The following FHL2 variants were observed in gnomAD, a reference collection of about 807,000 sequenced individuals.
The protein encoded by FHL2 is four and a half LIM domains protein 2.
A neutral mutation model predicts 32.7 loss-of-function variants in FHL2; 20 were observed. That is an observed-to-expected ratio of 0.61 (90% CI 0.43 to 0.89). The LOEUF (loss-of-function observed/expected upper bound fraction) is 0.89, where lower values mean the gene tolerates loss of function less well. Among genes scored for constraint, FHL2 ranks in the 40% least tolerant of loss-of-function variants. The probability of loss-of-function intolerance (pLI) is 0.00; values close to 1 mark genes in which losing one functional copy is unlikely to be tolerated. For synonymous variants in FHL2, 123 were observed against 128.1 expected (o/e 0.96, Z 0.27); for missense variants, 311 against 358.6 (o/e 0.87, Z 1.07).
In FHL2 at chr2:105,436,611, T is replaced by G. The variant is rs137885206; in HGVS notation, c.-25+1788A>C. ...ATTATTTACAGTTTCCCACATAATTTAATGTTTTTGGATTCACCTTAAAAT... is the reference window on the plus strand; with the variant it reads ...ATTATTTACAGTTTCCCACATAATTGAATGTTTTTGGATTCACCTTAAAAT... On this transcript the variant is annotated intron_variant, in intron 1 of 5. Transcript: ENST00000393352. Among the ~76,000 whole-genome samples, 429 of 152,220 alleles carry G rather than the reference T, an allele frequency of 2.8e-3. 2 individuals are homozygous for G. The highest frequency in any genetic ancestry group is 9.2e-3 in the African/African-American group (383 of 41,572).
chr2:105,415,981 T>A (rs1683922966), intron 1 of FHL2, among the ~76,000 whole-genome samples: 1 of 152,232 alleles, frequency 6.6e-6, no homozygotes, highest in Non-Finnish European at 1.5e-5. Context: ...TGGAACCATA[T>A]TCAATCAATT....
At position 105,410,399 on chromosome 2, in the gene FHL2, C is replaced by A. The variant is rs1003103398; in HGVS notation, c.-24-23859G>T. 2.0e-5 allele frequency among the ~76,000 whole-genome samples: 3 copies of A among 152,098 alleles called. No individual in the cohort carries two copies. In the East Asian group the frequency reaches 5.8e-4, roughly 29 times the overall value. On this transcript the variant is annotated intron_variant, in intron 1 of 5. Transcript: ENST00000393352. ...TGCTTCTAGAGGGTCCATGACCATT[C>A]TATTGGCAGTTGGAGAGGTGAGAGT...
intron 1 of FHL2, among the ~76,000 whole-genome samples, chr2:105,408,560 T>C (rs1319646751): frequency 6.6e-6 from 1 of 152,192 alleles, no homozygotes; most frequent in Non-Finnish European, 1.5e-5. Flanking sequence ...AATTCATTTA[T>C]TTTGGACAGG....
In FHL2 at chr2:105,361,056, T is replaced by C. The variant is rs546996537; in HGVS notation, c.*227A>G. 82 of 407,680 alleles carry C rather than the reference T, an allele frequency of 2.0e-4. No individual in the cohort carries two copies. The highest frequency in any genetic ancestry group is 1.5e-3 in the African/African-American group (75 of 49,254). The allele number at this position is 407,680 out of a possible 1,614,324, so 25.3% of individuals were successfully genotyped here. On this transcript the variant is annotated 3_prime_UTR_variant, in exon 7 of 7. Transcript: ENST00000530340. Reference sequence around the variant, plus strand: ...GGTGTGCCTTACTCGATTACAAAAATTTCAAACCATCTTCCCACCTAGGGC... The same window carrying C: ...GGTGTGCCTTACTCGATTACAAAAACTTCAAACCATCTTCCCACCTAGGGC...
intron 3 of FHL2, among the ~76,000 whole-genome samples, chr2:105,383,123 T>C (rs568118110): frequency 6.6e-6 from 1 of 152,238 alleles, no homozygotes; most frequent in Admixed American, 6.5e-5. Flanking sequence ...TGGCCTCAAG[T>C]GTTCCACCTG....
At chr2:105,395,285 T>C (rs534123421) in intron 2 of FHL2, among the ~76,000 whole-genome samples, 116 of 152,354 alleles carry the variant, frequency 7.6e-4, no homozygotes, top group Non-Finnish European at 1.3e-3. Context: ...ATCACACCAG[T>C]GTGGGGACCA....
chr2:105,402,116 T>TAC (rs1290357933), upstream of FHL2, among the ~76,000 whole-genome samples: 13 of 149,450 alleles, frequency 8.7e-5, no homozygotes, highest in Admixed American at 4.1e-4. Flanking sequence ...CACGTATATA[T>TAC]ACATATATAC....
At chr2:105,379,837 C>T (rs1681748149) in intron 3 of FHL2, among the ~76,000 whole-genome samples, 1 of 152,240 alleles carries the variant, frequency 6.6e-6, no homozygotes, top group Non-Finnish European at 1.5e-5. Flanking sequence ...ATCTGTTCTG[C>T]AAAGCTTCCT....
intron 1 of FHL2, among the ~76,000 whole-genome samples, chr2:105,398,618 G>A (rs1255296415): frequency 6.6e-6 from 1 of 152,194 alleles, no homozygotes; most frequent in African/African-American, 2.4e-5. Context: ...CTCTGGGGAT[G>A]AGTCGGTGGG....
intron 1 of FHL2, among the ~76,000 whole-genome samples, chr2:105,434,104 A>G (rs747508913): frequency 5.1e-4 from 78 of 152,332 alleles, no homozygotes; most frequent in Non-Finnish European, 8.5e-4. Flanking sequence ...TTGAGGCACC[A>G]CGTCCCTTTC....
chr2:105,394,600 GGAAA>G (rs755342586), intron 2 of FHL2, among the ~76,000 whole-genome samples: 14 of 148,846 alleles, frequency 9.4e-5, no homozygotes, highest in South Asian at 6.4e-4. Context: ...AAGAAAAGAA[GGAAA>G]GAAAGAAAGA....
At chr2:105,403,469 C>T (rs185002801), upstream of FHL2, among the ~76,000 whole-genome samples, 396 of 152,300 alleles carry the variant, frequency 2.6e-3, 2 homozygotes, top group Non-Finnish European at 1.1e-3. Context: ...CCCGTCTCTC[C>T]TGTAGGTGGG....
chr2:105,435,738 C>T lies in FHL2; in HGVS notation c.-25+2661G>A, dbSNP rs184779645. On this transcript the variant is annotated intron_variant, in intron 1 of 5. Transcript: ENST00000393352. ...TCGGGAGGCTGAGGCAGAAGAATCA[C>T]TTGAACCCAGGAGGTGGAGGTTGCA... Among the ~76,000 whole-genome samples, 578 of 152,294 alleles carry T rather than the reference C, an allele frequency of 3.8e-3. 9 individuals carry two copies. The highest frequency in any genetic ancestry group is 0.013 in the African/African-American group (540 of 41,554).
intron 1 of FHL2, among the ~76,000 whole-genome samples, chr2:105,436,127 C>T (rs539394182): frequency 2.6e-5 from 4 of 151,964 alleles, no homozygotes; most frequent in Non-Finnish European, 5.9e-5. Context: ...TATGTGAGTT[C>T]TTTTCTATTT....
intron 1 of FHL2, among the ~76,000 whole-genome samples, chr2:105,397,429 G>A (rs767711734): frequency 2.0e-4 from 30 of 152,084 alleles, no homozygotes; most frequent in Non-Finnish European, 3.4e-4. Flanking sequence ...GGAGAAAACC[G>A]AGACACTACG....
chr2:105,397,874 T>A lies in FHL2; in HGVS notation c.-76+968A>T, dbSNP rs188242348. 7.9e-3 allele frequency among the ~76,000 whole-genome samples: 400 copies of A among 50,680 alleles called. 3 individuals carry two copies. Among genetic ancestry groups the A allele is most frequent in the African/African-American group, 0.023 (381 of 16,402 alleles). The allele number at this position is 50,680 out of a possible 152,430, so 33.2% of individuals were successfully genotyped here. A position where few individuals can be genotyped will look rare whatever the true frequency, so the allele number is the denominator to read the frequency against. ...TAAGACTTGATGCAAATGGTTTTTG[T>A]TTTTTTGTTTTTTGTTTTTTTTTGT... On this transcript the variant is annotated intron_variant, in intron 1 of 6. Coordinates refer to ENST00000530340, the MANE Select transcript of FHL2 (RefSeq NM_001318895.3).
At chr2:105,438,113 T>C (rs1684666219) in intron 1 of FHL2, among the ~76,000 whole-genome samples, 1 of 152,198 alleles carries the variant, frequency 6.6e-6, no homozygotes, top group Non-Finnish European at 1.5e-5. Context: ...TTTATTTAAA[T>C]CTCTCCTCAT....
intron 1 of FHL2, among the ~76,000 whole-genome samples, chr2:105,422,481 TCCTC>T (rs1684133692): frequency 2.6e-5 from 4 of 152,154 alleles, no homozygotes; most frequent in Non-Finnish European, 5.9e-5. Context: ...ATTTATAGTT[TCCTC>T]TTGGTTTAAT....
chr2:105,410,649 G>A (rs1172804514), intron 1 of FHL2, among the ~76,000 whole-genome samples: 1 of 152,146 alleles, frequency 6.6e-6, no homozygotes, highest in African/African-American at 2.4e-5. Flanking sequence ...CAACACATTG[G>A]TCTTTCTCAG....
Sources: allele counts gnomAD v4.1 joint callset (sites outside exome capture counted in the v4.1 genomes callset), GRCh38; gene constraint gnomAD v4.1.1; transcripts MANE v1.5; gene names NCBI Gene and HGNC (gene_info 2026-07-23, HGNC 2026-07-21).